GPM6A: variants seen among roughly 807,000 people sequenced by gnomAD.
The protein encoded by GPM6A is glycoprotein M6A, also known as neuronal membrane glycoprotein M6-a.
A neutral mutation model predicts 32.1 loss-of-function variants in GPM6A; 7 were observed. That is an observed-to-expected ratio of 0.22 (90% CI 0.12 to 0.41). GPM6A has a LOEUF of 0.41. Among genes scored for constraint, GPM6A ranks in the 10% least tolerant of loss-of-function variants. GPM6A has a pLI of 1.00. For synonymous variants in GPM6A, 130 were observed against 123.4 expected, an observed-to-expected ratio of 1.05 and a Z score of -0.35; for missense variants, 235 against 347.2, an observed-to-expected ratio of 0.68 and a Z score of 2.57.
chr4:175,691,882 T>C (rs1460790935), intron 2 of GPM6A, among the ~76,000 whole-genome samples: 1 of 152,168 alleles, frequency 6.6e-6, no homozygotes, highest in African/African-American at 2.4e-5. Flanking sequence ...CAGGGTCAAG[T>C]TCAGAGTGAG....
intron 1 of GPM6A, among the ~76,000 whole-genome samples, chr4:175,737,727 G>A (rs1415723972): frequency 2.6e-5 from 4 of 152,124 alleles, no homozygotes; most frequent in Non-Finnish European, 5.9e-5. Context: ...GAGGCCTTAG[G>A]AATATCTGAG....
At chr4:175,669,403 A>G (rs959104253) in intron 3 of GPM6A, among the ~76,000 whole-genome samples, 23 of 152,134 alleles carry the variant, frequency 1.5e-4, no homozygotes, top group African/African-American at 5.3e-4. Context: ...TTGAATTTCA[A>G]ATTTTTTTTA....
At chr4:175,971,171 T>C (rs1166193184) in intron 1 of GPM6A, among the ~76,000 whole-genome samples, 1 of 151,872 alleles carries the variant, frequency 6.6e-6, no homozygotes, top group Non-Finnish European at 1.5e-5. Flanking sequence ...AGAGCCCTAA[T>C]ATCTTAGTGG....
chr4:175,953,439 A>G (rs57484452), intron 1 of GPM6A, among the ~76,000 whole-genome samples: 31,643 of 152,168 alleles, frequency 0.21, 4,564 homozygotes, highest in African/African-American at 0.41. Context: ...GCACTTTCTA[A>G]CCACAAAAAG....
At chr4:175,675,915 G>T (rs1490917324) in intron 2 of GPM6A, among the ~76,000 whole-genome samples, 1 of 151,956 alleles carries the variant, frequency 6.6e-6, no homozygotes, top group African/African-American at 2.4e-5. Flanking sequence ...GATATGGTTT[G>T]GCTGTGTCCC....
At chr4:175,640,241 A>G in intron 5 of GPM6A, 47 bp from the exon 6 acceptor site, 3 of 1,449,878 alleles carry the variant, frequency 2.1e-6, no homozygotes, top group Non-Finnish European at 2.9e-6. Flanking sequence ...AGTTATAGGT[A>G]GAAGAGAAGT....
chr4:175,839,221 CCTG>C (rs1228976843), intron 1 of GPM6A, among the ~76,000 whole-genome samples: 1 of 152,086 alleles, frequency 6.6e-6, no homozygotes, highest in East Asian at 1.9e-4. Context: ...AGAATAAACT[CCTG>C]ATGAACCAGA....
Position 175,759,146 on chromosome 4 carries a change from C to G in GPM6A, c.37+53045G>C, listed in dbSNP as rs116984974. Among the ~76,000 whole-genome samples the G allele has an allele frequency of 1.6e-4, 25 of 152,256 alleles. No individual in the cohort carries two copies. The East Asian group carries it at 4.8e-3, about 29-fold the overall frequency. On this transcript the variant is annotated intron_variant, in intron 1 of 6. Coordinates refer to ENST00000393658, the MANE Select transcript of GPM6A (RefSeq NM_201591.3). ...GATGCTCTTGAAGGCATTTCTGAGA[C>G]CGCAAATCTCACTGTTAGTGTCTGA...
chr4:175,872,082 A>G (rs1736928129), intron 1 of GPM6A, among the ~76,000 whole-genome samples: 1 of 151,868 alleles, frequency 6.6e-6, no homozygotes, highest in African/African-American at 2.4e-5. Flanking sequence ...TTTTACTTCT[A>G]TTGGCCTTTC....
At chr4:175,727,944 CCGTGAGCCAAGATTGT>C (rs1731249337) in intron 1 of GPM6A, among the ~76,000 whole-genome samples, 1 of 149,550 alleles carries the variant, frequency 6.7e-6, no homozygotes, top group African/African-American at 2.5e-5. Context: ...ACCAGTGTTA[CCGTGAGCCAAGATTGT>C]GCCACTGCAC....
chr4:175,638,345 GA>G (rs1247160218), intron 6 of GPM6A, among the ~76,000 whole-genome samples: 1 of 151,812 alleles, frequency 6.6e-6, no homozygotes. Flanking sequence ...TAATAAATTG[GA>G]AATACTTAGG....
chr4:175,926,880 C>T (rs931234865), intron 1 of GPM6A, among the ~76,000 whole-genome samples: 18 of 152,058 alleles, frequency 1.2e-4, no homozygotes, highest in African/African-American at 4.3e-4. Context: ...CAAATCAGTG[C>T]CTTAACCATT....
At chr4:175,944,296 A>G (rs1739517369) in intron 1 of GPM6A, among the ~76,000 whole-genome samples, 1 of 152,212 alleles carries the variant, frequency 6.6e-6, no homozygotes, top group Non-Finnish European at 1.5e-5. Context: ...TTGTGCTGGC[A>G]TATACTGTAA....
At chr4:175,857,783 CTGAT>C (rs1736459373) in intron 1 of GPM6A, among the ~76,000 whole-genome samples, 3 of 151,700 alleles carry the variant, frequency 2.0e-5, no homozygotes, top group Non-Finnish European at 1.5e-5. Context: ...TGATAAAAGA[CTGAT>C]TGTTTTCCAC....
chr4:175,897,238 T>G (rs1737823332), intron 1 of GPM6A, among the ~76,000 whole-genome samples: 1 of 152,098 alleles, frequency 6.6e-6, no homozygotes, highest in South Asian at 2.1e-4. Flanking sequence ...GAAACCAGGA[T>G]GGGCTTACAT....
At chr4:175,867,652 T>G (rs1016155968) in intron 1 of GPM6A, among the ~76,000 whole-genome samples, 1 of 152,238 alleles carries the variant, frequency 6.6e-6, no homozygotes, top group Admixed American at 6.5e-5. Flanking sequence ...TCTACTGATC[T>G]ATTCTTTAGC....
chr4:175,827,200 C>T (rs1042715855), intron 1 of GPM6A, among the ~76,000 whole-genome samples: 1 of 152,070 alleles, frequency 6.6e-6, no homozygotes, highest in Non-Finnish European at 1.5e-5. Flanking sequence ...TAATTATATC[C>T]ATTTTAAACA....
chr4:175,911,859 A>G (rs546846727), intron 1 of GPM6A, among the ~76,000 whole-genome samples: 7 of 152,302 alleles, frequency 4.6e-5, no homozygotes, highest in African/African-American at 1.4e-4. Flanking sequence ...TCAAGTTTAG[A>G]TGTCAAAAAA....
At chr4:175,779,839 G>T (rs1733546187) in intron 1 of GPM6A, among the ~76,000 whole-genome samples, 1 of 151,962 alleles carries the variant, frequency 6.6e-6, no homozygotes, top group African/African-American at 2.4e-5. Flanking sequence ...ATTTTAAAAG[G>T]AGATAAGAGA....
Sources: allele counts gnomAD v4.1 joint callset (sites outside exome capture counted in the v4.1 genomes callset), GRCh38; gene constraint gnomAD v4.1.1; transcripts MANE v1.5; gene names NCBI Gene and HGNC (gene_info 2026-07-23, HGNC 2026-07-21).